The following RGS12 variants were observed in gnomAD, a reference collection of about 807,000 sequenced individuals.
RGS12 encodes regulator of G protein signaling 12, also known as regulator of G-protein signaling 12.
Under a neutral mutation model 120.1 loss-of-function variants are expected in RGS12, and 66 were observed. That is an observed-to-expected ratio of 0.55 (90% confidence interval 0.45 to 0.67). The LOEUF is 0.67. RGS12 is among the 30% of genes least tolerant of loss of function. The pLI is 0.00. For synonymous variants in RGS12, 827 were observed against 804.7 expected (o/e 1.03, Z -0.47); for missense variants, 1,859 against 1,957.7 (o/e 0.95, Z 0.95).
Position 3,414,223 on chromosome 4 carries a change from C to T in RGS12, c.2172C>T (p.Val724=), listed in dbSNP as rs567294596. ...TTGAGCGCCTGCTGCAGGACCCCGT[C>T]GGTGTCCGCTACTTCTCTGTGAGTA... The part of the protein sequence containing the change: ...VSFERLLQDP[V]GVRYFSDFLR... The change falls in exon 5 of 18, where the codon GTC becomes GTT. Residue 724 remains valine, a synonymous_variant. Transcript: ENST00000336727. The T allele has an allele frequency of 7.4e-5, 114 of 1,544,258 alleles. No homozygotes were observed. Among genetic ancestry groups the T allele is most frequent in the Non-Finnish European group, 9.2e-5 (106 of 1,148,276 alleles).
At chr4:3,379,923 T>G (rs754949612) in intron 3 of RGS12, among the ~76,000 whole-genome samples, 1 of 152,194 alleles carries the variant, frequency 6.6e-6, no homozygotes, top group African/African-American at 2.4e-5. Flanking sequence ...CCTCACATTT[T>G]GAAACACAAT....
At position 3,347,266 on chromosome 4, in the gene RGS12, G is replaced by A. The variant is rs1441454585; in HGVS notation, c.1998+4213G>A. The stretch of plus-strand genomic sequence containing the variant: ...GAGACCATCCTGGCTAACGTGGTGA[G>A]ACCCCGTCTCTACTAAAAATACAAA... On this transcript the variant is annotated intron_variant, in intron 3 of 17. Coordinates refer to ENST00000336727, the MANE Select transcript of RGS12 (RefSeq NM_001394154.1). Among the ~76,000 whole-genome samples the A allele has an allele frequency of 2.6e-5, 4 of 152,004 alleles. No homozygotes were observed. In the East Asian group the frequency reaches 5.8e-4, roughly 22 times the overall value.
At chr4:3,312,833 G>A (rs865957022) in intron 1 of RGS12, 1 of 202,114 alleles carries the variant, frequency 4.9e-6, no homozygotes, top group South Asian at 1.1e-4. Context: ...GGCAACCACA[G>A]GTTCCAAGGA....
chr4:3,431,762 G>T (rs1724331505), intron 17 of RGS12: 2 of 985,684 alleles, frequency 2.0e-6, no homozygotes, highest in Non-Finnish European at 2.4e-6. Flanking sequence ...GTGCTCAGGG[G>T]TGCGTGGACA....
intron 4 of RGS12, among the ~76,000 whole-genome samples, chr4:3,391,773 C>T (rs1488171400): frequency 1.4e-5 from 2 of 140,862 alleles, no homozygotes; most frequent in African/African-American, 6.2e-5. Flanking sequence ...GGGGGCCTCA[C>T]CAGAGAGGGC....
chr4:3,389,475 T>C lies in RGS12; in HGVS notation c.2020+3038T>C, dbSNP rs16844260. Among the ~76,000 whole-genome samples, 7,680 of 152,190 alleles carry C rather than the reference T, an allele frequency of 0.05. 619 individuals carry two copies. The highest frequency in any genetic ancestry group is 0.17 in the African/African-American group (7,258 of 41,490). On this transcript the variant is annotated intron_variant, in intron 4 of 17. Coordinates refer to ENST00000336727, the MANE Select transcript of RGS12 (RefSeq NM_001394154.1). This position sits in a 1 kb window ranked among gnomAD's most constrained non-coding sequence, Gnocchi z 5.2. ...TTGTGAAGAAATGAGAAAAGGAAGA[T>C]GCCCGGTTGCTCCTGGAAAAAGGAA...
At chr4:3,356,220 A>G (rs112173352) in intron 3 of RGS12, among the ~76,000 whole-genome samples, 10,062 of 151,620 alleles carry the variant, frequency 0.066, 522 homozygotes, top group Non-Finnish European at 0.1. Context: ...ATGCCCGGAT[A>G]ATTTTTGTAT....
intron 4 of RGS12, among the ~76,000 whole-genome samples, chr4:3,407,825 T>C (rs1229524966): frequency 6.6e-6 from 1 of 152,254 alleles, no homozygotes; most frequent in Non-Finnish European, 1.5e-5. Flanking sequence ...TGCAAACTTT[T>C]CATCTTACGG....
chr4:3,356,573 T>C (rs1158960733), intron 3 of RGS12, among the ~76,000 whole-genome samples: 1 of 151,240 alleles, frequency 6.6e-6, no homozygotes, highest in East Asian at 1.9e-4. Context: ...CATTCTACTT[T>C]CTATCTCTAT....
chr4:3,439,329 ATG>A (rs1725111670), intron 17 of RGS12, 124 bp from the exon 18 acceptor site: 5 of 935,532 alleles, frequency 5.3e-6, no homozygotes, highest in African/African-American at 1.6e-5. Context: ...TGCCTCTGGG[ATG>A]TGTTTGGGAT....
At chr4:3,339,861 G>A (rs1365665094) in intron 2 of RGS12, among the ~76,000 whole-genome samples, 1 of 152,124 alleles carries the variant, frequency 6.6e-6, no homozygotes, top group Non-Finnish European at 1.5e-5. Flanking sequence ...TAATGTGTGA[G>A]CCCTCCCTTC....
chr4:3,303,661 G>C (rs930815976), intron 1 of RGS12, among the ~76,000 whole-genome samples: 1 of 152,110 alleles, frequency 6.6e-6, no homozygotes, highest in East Asian at 1.9e-4. Flanking sequence ...GCTTCCCCCC[G>C]CCCCACAGAC....
rs756648951 is a variant in RGS12 at position 3,318,030 on chromosome 4, A to T, written c.1860A>T (p.Arg620=). 5 of 1,598,400 alleles carry T rather than the reference A, an allele frequency of 3.1e-6. No homozygotes were observed. Among genetic ancestry groups the T allele is most frequent in the Non-Finnish European group, 4.3e-6 (5 of 1,171,100 alleles). ...TTTTTGGTCCCCATCGAAATGTTCGAAAGACTAAGGAAGATAAAAAGGTAA... is the reference window on the plus strand; with the variant it reads ...TTTTTGGTCCCCATCGAAATGTTCGTAAGACTAAGGAAGATAAAAAGGTAA... ...QSIFGPHRNV[R]KTKEDKKGSK... Residue 620 remains arginine (R), a synonymous_variant, in exon 2 of 18, where the codon CGA becomes CGT. Transcript: ENST00000336727.
At chr4:3,304,990 C>T (rs2110365480) in intron 1 of RGS12, among the ~76,000 whole-genome samples, 1 of 152,352 alleles carries the variant, frequency 6.6e-6, no homozygotes, top group South Asian at 2.1e-4. Context: ...TTTCCATGCA[C>T]ACTCATGAGG....
intron 3 of RGS12, among the ~76,000 whole-genome samples, chr4:3,376,789 C>T (rs968283528): frequency 1.3e-5 from 2 of 152,170 alleles, no homozygotes; most frequent in Non-Finnish European, 2.9e-5. Context: ...TGCAGTGAGC[C>T]ACTAAGCCAG....
intron 4 of RGS12, among the ~76,000 whole-genome samples, chr4:3,397,633 G>A (rs114524202): frequency 2.6e-5 from 4 of 152,158 alleles, no homozygotes; most frequent in African/African-American, 7.2e-5. Context: ...AGATAGGGGG[G>A]TGATAACCAA....
intron 3 of RGS12, among the ~76,000 whole-genome samples, chr4:3,361,012 G>A (rs187124214): frequency 2.6e-5 from 4 of 152,306 alleles, no homozygotes; most frequent in African/African-American, 9.6e-5. Context: ...ATCCCTACAC[G>A]GAAGCAGCCT....
At chr4:3,428,271 T>C (rs776215358) in intron 15 of RGS12, 102 bp downstream of exon 15, 1 of 1,085,550 alleles carries the variant, frequency 9.2e-7, no homozygotes. Flanking sequence ...TGCTTATCAC[T>C]GTGTGTCTCC....
chr4:3,337,805 C>G (rs1166672612), intron 2 of RGS12, among the ~76,000 whole-genome samples: 5 of 152,186 alleles, frequency 3.3e-5, no homozygotes, highest in Non-Finnish European at 7.3e-5. Flanking sequence ...CCTAATGCTA[C>G]TGAGCCAGCT....
Sources: allele counts gnomAD v4.1 joint callset (sites outside exome capture counted in the v4.1 genomes callset), GRCh38; gene constraint gnomAD v4.1.1; non-coding constraint Gnocchi (gnomAD v3.1); transcripts MANE v1.5; gene names NCBI Gene and HGNC (gene_info 2026-07-23, HGNC 2026-07-21).